Variants in ZC3H8 observed in about 807,000 individuals in gnomAD.
ZC3H8 encodes zinc finger CCCH domain-containing protein 8.
A neutral mutation model predicts 42.5 loss-of-function variants in ZC3H8; 27 were observed. The observed-to-expected ratio is 0.64, with a 90% CI of 0.47 to 0.88. ZC3H8 has a LOEUF of 0.88. Among genes scored for constraint, ZC3H8 ranks in the 40% least tolerant of loss-of-function variants. The pLI is 0.00. For missense variants in ZC3H8, 277 were observed against 336.1 expected (o/e 0.82, Z 1.37); for synonymous variants, 101 against 110.1 (o/e 0.92, Z 0.52).
At chr2:112,225,653 CT>C (rs1281189901) in intron 8 of ZC3H8, among the ~76,000 whole-genome samples, 5 of 152,090 alleles carry the variant, frequency 3.3e-5, no homozygotes, top group Non-Finnish European at 7.4e-5. Flanking sequence ...TTAGTCTCTA[CT>C]AAAAATACAA....
At chr2:112,233,986 T>C (rs1352550988) in intron 5 of ZC3H8, 134 bp downstream of exon 5, 1 of 562,322 alleles carries the variant, frequency 1.8e-6, no homozygotes, top group Non-Finnish European at 2.9e-6. Context: ...AAAAGAATAC[T>C]TCACTAAAAT....
chr2:112,251,333 A>G lies in ZC3H8; in HGVS notation c.75-1061T>C, dbSNP rs538064081. On this transcript the variant is annotated intron_variant, in intron 1 of 8. Transcript: ENST00000409573. Reference sequence around the variant, plus strand: ...GCTTCACAGCTTTGTCCAATTCAACAGTTTACACTGACTCAGAGCTCCAGA... The same window carrying G: ...GCTTCACAGCTTTGTCCAATTCAACGGTTTACACTGACTCAGAGCTCCAGA... Among the ~76,000 whole-genome samples, 676 of 152,342 alleles carry G rather than the reference A, an allele frequency of 4.4e-3. 3 individuals carry two copies. The highest frequency in any genetic ancestry group is 0.015 in the African/African-American group (624 of 41,576).
intron 2 of ZC3H8, among the ~76,000 whole-genome samples, chr2:112,245,932 T>C (rs1685746461): frequency 6.6e-6 from 1 of 152,206 alleles, no homozygotes; most frequent in Non-Finnish European, 1.5e-5. Context: ...ATAAAATACT[T>C]TAAAAGGCTT....
intron 7 of ZC3H8, among the ~76,000 whole-genome samples, chr2:112,231,579 C>T (rs1187289759): frequency 6.6e-6 from 1 of 152,108 alleles, no homozygotes; most frequent in Admixed American, 6.5e-5. Flanking sequence ...CTTAGCTTAG[C>T]TATTAAAATG....
intron 8 of ZC3H8, among the ~76,000 whole-genome samples, chr2:112,218,242 T>C (rs892966521): frequency 7.2e-5 from 11 of 152,240 alleles, no homozygotes; most frequent in Non-Finnish European, 1.2e-4. Context: ...TAATTGTTAC[T>C]GCTTCATCAA....
intron 1 of ZC3H8, among the ~76,000 whole-genome samples, 172 bp from the exon 2 acceptor site, chr2:112,250,444 A>G (rs1251544919): frequency 3.3e-5 from 5 of 152,226 alleles, no homozygotes; most frequent in African/African-American, 1.2e-4. Context: ...ATGACCAATA[A>G]ATGTCCATAT....
chr2:112,236,536 A>G, intron 4 of ZC3H8, 26 bp downstream of exon 4: 1 of 1,607,504 alleles, frequency 6.2e-7, no homozygotes, highest in Non-Finnish European at 8.5e-7. Context: ...GGGGTCAGGT[A>G]TTCCTAGAAG....
chr2:112,218,381 T>G (rs780007734), intron 8 of ZC3H8, among the ~76,000 whole-genome samples: 5 of 152,172 alleles, frequency 3.3e-5, no homozygotes, highest in African/African-American at 4.8e-5. Context: ...ACTGTTTGCC[T>G]TATTGAGTAT....
At chr2:112,219,909 A>T (rs1001904242) in intron 8 of ZC3H8, among the ~76,000 whole-genome samples, 1 of 152,190 alleles carries the variant, frequency 6.6e-6, no homozygotes, top group Non-Finnish European at 1.5e-5. Context: ...AAGTCACTTC[A>T]TAGGTCTTTA....
chr2:112,225,527 A>G (rs376541431), intron 8 of ZC3H8, among the ~76,000 whole-genome samples: 1 of 152,174 alleles, frequency 6.6e-6, no homozygotes, highest in East Asian at 1.9e-4. Flanking sequence ...CCTCAATGTC[A>G]CAAAGCTGGC....
chr2:112,240,053 A>G (rs1685517856), intron 2 of ZC3H8, among the ~76,000 whole-genome samples: 1 of 152,230 alleles, frequency 6.6e-6, no homozygotes, highest in Non-Finnish European at 1.5e-5. Context: ...TACACCAGAC[A>G]AGACTATCAA....
rs1012766158 is a variant in ZC3H8, at chr2:112,211,866, G to A, written c.*4618C>T. The A allele has an allele frequency of 1.3e-5, 2 of 152,196 alleles. No individual in the cohort carries two copies. The highest frequency in any genetic ancestry group is 6.5e-5 in the Admixed American group (1 of 15,290). The allele number at this position is 152,196 out of a possible 1,614,324, so 9.4% of individuals were successfully genotyped here. On this transcript the variant is annotated 3_prime_UTR_variant, in exon 9 of 9. Coordinates refer to ENST00000409573, the MANE Select transcript of ZC3H8 (RefSeq NM_032494.3). The stretch of plus-strand genomic sequence containing the variant: ...CAACAGCACTTTTAAGATGAGTTGG[G>A]CATCTTGTCCCTCCCTATCCAAACA...
chr2:112,232,515 T>C (rs554304855), intron 6 of ZC3H8, among the ~76,000 whole-genome samples: 3 of 152,280 alleles, frequency 2.0e-5, no homozygotes, highest in African/African-American at 7.2e-5. Flanking sequence ...GCATGTTTCA[T>C]ATATGAAAGG....
chr2:112,233,507 TTAA>T (rs1302645054), intron 5 of ZC3H8, 136 bp from the exon 6 acceptor site: 10 of 631,886 alleles, frequency 1.6e-5, no homozygotes, highest in Middle Eastern at 3.8e-4. Flanking sequence ...ATTCTAACTG[TTAA>T]TAAATTATAA....
intron 8 of ZC3H8, among the ~76,000 whole-genome samples, chr2:112,225,298 A>G (rs1407774361): frequency 1.3e-5 from 2 of 152,216 alleles, no homozygotes; most frequent in Non-Finnish European, 2.9e-5. Flanking sequence ...AAATGTTATC[A>G]AAAGACATTT....
At chr2:112,226,064 A>G (rs1207054249) in intron 8 of ZC3H8, among the ~76,000 whole-genome samples, 1 of 152,138 alleles carries the variant, frequency 6.6e-6, no homozygotes, top group Admixed American at 6.5e-5. Context: ...CCTAGGCAAC[A>G]GAGCAAGACT....
intron 5 of ZC3H8, 71 bp from the exon 6 acceptor site, chr2:112,233,442 T>C (rs1196591637): frequency 1.2e-5 from 12 of 1,018,588 alleles, no homozygotes; most frequent in East Asian, 2.7e-5. Context: ...TAATTCCTAC[T>C]AAACTTTAAA....
chr2:112,228,500 CAA>C (rs1188593900), intron 8 of ZC3H8, among the ~76,000 whole-genome samples: 20 of 77,004 alleles, frequency 2.6e-4, no homozygotes, highest in African/African-American at 4.0e-4. Context: ...GACTCTGTCT[CAA>C]AAAAAAAAAA....
rs76397380 is a variant in ZC3H8, at chr2:112,236,575, C to T, written c.491G>A (p.Gly164Asp). ...ATATTCCAATACCTCTTCCTGTGAG[C>T]CGCTGTTCCTCAGCAAAGCATTTGA... ...KGSNALLRNSGSQEEDGKPKE... is the reference protein window; with the variant it reads ...KGSNALLRNSDSQEEDGKPKE... The change falls in exon 4 of 9, where the codon GGC (glycine) becomes GAC (aspartate). Residue 164 changes from glycine (G) to aspartate (D), a missense_variant. Coordinates refer to ENST00000409573, the MANE Select transcript of ZC3H8 (RefSeq NM_032494.3). 1.3e-3 allele frequency: 2,103 copies of T among 1,613,464 alleles called. 21 individuals are homozygous for T. In the African/African-American group the frequency reaches 0.025, roughly 19 times the overall value.
Sources: gnomAD v4.1 joint callset for allele counts (sites outside exome capture counted in the v4.1 genomes callset) on GRCh38, gnomAD v4.1.1 for gene constraint, MANE v1.5 for transcripts, NCBI Gene and HGNC (gene_info 2026-07-23, HGNC 2026-07-21) for gene names.